CNTN5: variants seen among roughly 807,000 people sequenced by gnomAD.
The protein encoded by CNTN5 is contactin 5, also known as contactin-5.
In CNTN5, 77 loss-of-function variants were observed where a neutral mutation model predicts 129.1. That is an observed-to-expected ratio of 0.60 (90% confidence interval 0.50 to 0.72). CNTN5 has a LOEUF of 0.72. Ranked by LOEUF, CNTN5 falls within the 30% of genes least tolerant of loss-of-function variation. The pLI is 0.00. For missense variants in CNTN5, 1,478 were observed against 1,328.8 expected (o/e 1.11, Z -1.75); for synonymous variants, 509 against 465.6 (o/e 1.09, Z -1.20).
At chr11:99,299,896 C>T (rs1037095135) in intron 1 of CNTN5, among the ~76,000 whole-genome samples, 2 of 151,914 alleles carry the variant, frequency 1.3e-5, no homozygotes, top group African/African-American at 4.8e-5. Context: ...TTTTCTTTCC[C>T]TTCAGATAGA....
chr11:99,915,663 T>C (rs1331568483), intron 6 of CNTN5, among the ~76,000 whole-genome samples: 22 of 152,182 alleles, frequency 1.4e-4, no homozygotes, highest in African/African-American at 5.3e-4. Context: ...AAGAAGCCGG[T>C]GGGACACCAA....
chr11:99,623,921 T>A lies in CNTN5; in HGVS notation c.55+67652T>A, dbSNP rs572986713. ...CTGTAGTTCTCATTTAAAAATACTG[T>A]TTAATGAAGATGTTACAGAAACTTG... On this transcript the variant is annotated intron_variant, in intron 3 of 24. Coordinates refer to ENST00000524871, the MANE Select transcript of CNTN5 (RefSeq NM_014361.4). Among the ~76,000 whole-genome samples the A allele has an allele frequency of 2.0e-5, 3 of 152,234 alleles. No homozygotes were observed. The East Asian group carries it at 5.8e-4, about 29-fold the overall frequency.
intron 2 of CNTN5, among the ~76,000 whole-genome samples, chr11:99,555,167 T>C (rs1335737804): frequency 6.6e-6 from 1 of 152,050 alleles, no homozygotes; most frequent in Non-Finnish European, 1.5e-5. Context: ...AAAATACGTG[T>C]CTATATTTTT....
chr11:99,667,245 T>G (rs184513440), intron 3 of CNTN5, among the ~76,000 whole-genome samples: 18 of 152,226 alleles, frequency 1.2e-4, no homozygotes, highest in Non-Finnish European at 2.5e-4. Context: ...TGTACCTCTC[T>G]TTTCTCTGTA....
intron 2 of CNTN5, among the ~76,000 whole-genome samples, chr11:99,380,484 T>A (rs1048598355): frequency 6.6e-6 from 1 of 152,174 alleles, no homozygotes; most frequent in African/African-American, 2.4e-5. Flanking sequence ...CAAATATTGT[T>A]TGTAGCTGGG....
Position 100,070,345 on chromosome 11 carries a change from A to G in CNTN5, c.1163-79A>G, listed in dbSNP as rs1322731361. ...AATTGCTTTTAAAAAAATACGTTGA[A>G]TTTTTCCATGTAAATTTTAAACTTG... On this transcript the variant is annotated intron_variant, in intron 10 of 24. Transcript: ENST00000524871. The G allele has an allele frequency of 9.1e-6, 13 of 1,430,090 alleles. No individual in the cohort carries two copies. The East Asian group carries it at 2.9e-4, about 32-fold the overall frequency. The allele number at this position is 1,430,090 out of a possible 1,614,324, so 88.6% of individuals were successfully genotyped here.
chr11:99,067,999 G>A (rs954510182), intron 1 of CNTN5, among the ~76,000 whole-genome samples: 8 of 152,070 alleles, frequency 5.3e-5, no homozygotes, highest in African/African-American at 1.7e-4. Context: ...ATAAGGGTTT[G>A]GTAGCTTCTC....
At chr11:100,325,070 A>T (rs187824584) in intron 21 of CNTN5, among the ~76,000 whole-genome samples, 1 of 152,262 alleles carries the variant, frequency 6.6e-6, no homozygotes, top group East Asian at 1.9e-4. Flanking sequence ...AACTAAATTG[A>T]CGCAAGCAGG....
intron 6 of CNTN5, among the ~76,000 whole-genome samples, chr11:99,880,686 CA>C (rs1420787369): frequency 6.6e-6 from 1 of 152,054 alleles, no homozygotes. Context: ...TTGTCCTTTG[CA>C]AAATGTTATT....
chr11:100,267,035 G>C (rs1950317985), intron 17 of CNTN5, among the ~76,000 whole-genome samples: 1 of 151,988 alleles, frequency 6.6e-6, no homozygotes, highest in Non-Finnish European at 1.5e-5. Context: ...AAATTATATA[G>C]TATCTTAGAA....
At chr11:99,163,231 A>C (rs563818886) in intron 1 of CNTN5, among the ~76,000 whole-genome samples, 3 of 152,254 alleles carry the variant, frequency 2.0e-5, no homozygotes, top group Admixed American at 2.0e-4. Flanking sequence ...TTTTACTGAG[A>C]TATGACTTCT....
chr11:99,957,562 A>T (rs1462498296), intron 8 of CNTN5, among the ~76,000 whole-genome samples: 1 of 152,168 alleles, frequency 6.6e-6, no homozygotes, highest in East Asian at 1.9e-4. Context: ...CTTCAAATTT[A>T]AACACCTCAT....
At chr11:99,790,061 A>C (rs1258814899) in intron 3 of CNTN5, among the ~76,000 whole-genome samples, 3 of 152,070 alleles carry the variant, frequency 2.0e-5, no homozygotes, top group Non-Finnish European at 4.4e-5. Flanking sequence ...AATTCACTTA[A>C]GATAATGGCC....
intron 6 of CNTN5, among the ~76,000 whole-genome samples, chr11:99,898,976 A>T (rs1306825499): frequency 3.9e-5 from 6 of 152,034 alleles, no homozygotes; most frequent in African/African-American, 1.4e-4. Flanking sequence ...TTCAAGTTAG[A>T]TAGAATTAAT....
Position 99,662,854 on chromosome 11 carries a change from C to T in CNTN5, c.55+106585C>T, listed in dbSNP as rs547727117. Among the ~76,000 whole-genome samples the T allele has an allele frequency of 2.0e-5, 3 of 152,294 alleles. No homozygotes were observed. In the East Asian group the frequency reaches 5.8e-4, roughly 29 times the overall value. ...ATTTAGTAACTGCATTTTTAAAAAG[C>T]TCCTCAGATGCATGTACATTATAAT... On this transcript the variant is annotated intron_variant, in intron 3 of 24. Coordinates refer to ENST00000524871, the MANE Select transcript of CNTN5 (RefSeq NM_014361.4).
intron 6 of CNTN5, among the ~76,000 whole-genome samples, chr11:99,851,038 T>A (rs1474813439): frequency 6.5e-5 from 2 of 30,938 alleles, no homozygotes; most frequent in African/African-American, 2.6e-4. Flanking sequence ...TAATTTTGAT[T>A]TGGACAACTA....
intron 2 of CNTN5, among the ~76,000 whole-genome samples, chr11:99,496,496 A>C (rs2135368335): frequency 6.6e-6 from 1 of 152,350 alleles, no homozygotes; most frequent in Admixed American, 6.5e-5. Flanking sequence ...TGAAAGAAAT[A>C]CAGTTCAACT....
intron 1 of CNTN5, among the ~76,000 whole-genome samples, chr11:99,260,849 C>G (rs946693592): frequency 6.6e-6 from 1 of 151,878 alleles, no homozygotes; most frequent in Admixed American, 6.6e-5. Context: ...TGTGAGGGCA[C>G]TTAGGAATCC....
chr11:100,119,462 T>C (rs1945944772), intron 13 of CNTN5, among the ~76,000 whole-genome samples: 1 of 151,888 alleles, frequency 6.6e-6, no homozygotes, highest in South Asian at 2.1e-4. Flanking sequence ...ACAAAACAGT[T>C]CTTACTAAGC....
Sources: gnomAD v4.1 joint callset for allele counts (sites outside exome capture counted in the v4.1 genomes callset) on GRCh38, gnomAD v4.1.1 for gene constraint, MANE v1.5 for transcripts, NCBI Gene and HGNC (gene_info 2026-07-23, HGNC 2026-07-21) for gene names.